TBCD: variants seen among roughly 807,000 people sequenced by gnomAD.
The protein encoded by TBCD is tubulin folding cofactor D, also known as tubulin-specific chaperone D.
A neutral mutation model predicts 169.3 loss-of-function variants in TBCD; 105 were observed. The ratio of observed to expected loss-of-function variants is 0.62; its 90% CI spans 0.53 to 0.73. TBCD has a LOEUF of 0.73. Among genes scored for constraint, TBCD ranks in the 30% least tolerant of loss-of-function variants. The pLI, the probability that TBCD is intolerant of heterozygous loss-of-function variation, is 0.00. For missense variants in TBCD, 1,444 were observed against 1,600.1 expected (o/e 0.90, Z 1.66); for synonymous variants, 700 against 643.9 (o/e 1.09, Z -1.32).
intron 3 of TBCD, among the ~76,000 whole-genome samples, chr17:82,765,639 G>T (rs1309958466): frequency 2.6e-5 from 4 of 152,220 alleles, no homozygotes; most frequent in Admixed American, 6.5e-5. Context: ...TCTGTTTGAG[G>T]TTAGGATTTC....
chr17:82,929,184 C>T lies in TBCD; in HGVS notation c.2765C>T (p.Ala922Val), dbSNP rs752832801. 7 of 1,613,892 alleles carry T rather than the reference C, an allele frequency of 4.3e-6. No homozygotes were observed. The Admixed American group carries it at 8.3e-5, about 19-fold the overall frequency. Residue 922 changes from alanine to valine, a missense_variant, in exon 31 of 39, where the codon GCC (alanine) becomes GTC (valine). Coordinates refer to ENST00000355528, the MANE Select transcript of TBCD (RefSeq NM_005993.5). ...ATTGACCGTTTCCGTGCTCACGCCG[C>T]CAGCGTGTTCCTGACGCTCCTGCAC... ...EKIDRFRAHA[A>V]SVFLTLLHFD...
rs1210768858 is a variant in TBCD at position 82,781,484 on chromosome 17, G to A, written c.639-105G>A. Reference sequence around the variant, plus strand: ...AGCTGGCATCTTGGTGTAAGGGTGCGTGAGGTGGGAGGGCCTGGGGAGGTG... The same window carrying A: ...AGCTGGCATCTTGGTGTAAGGGTGCATGAGGTGGGAGGGCCTGGGGAGGTG... On this transcript the variant is annotated intron_variant, in intron 6 of 38. Transcript: ENST00000355528. 2.2e-5 allele frequency: 32 copies of A among 1,442,008 alleles called. No homozygotes were observed. The East Asian group carries it at 3.3e-4, about 15-fold the overall frequency. 89.3% of individuals were successfully genotyped at this position (1,442,008 alleles called of 1,614,324 possible).
chr17:82,845,068 G>A lies in TBCD; in HGVS notation c.1319-25156G>A, dbSNP rs77789050. Among the ~76,000 whole-genome samples the A allele has an allele frequency of 7.3e-3, 1,117 of 152,248 alleles. 12 individuals are homozygous for A. Among genetic ancestry groups the A allele is most frequent in the African/African-American group, 0.026 (1,078 of 41,526 alleles). On this transcript the variant is annotated intron_variant, in intron 13 of 38. Transcript: ENST00000355528. ...CTCTTGGGGGTAAGCACCGGTGCCA[G>A]TGTGTGTTGGGGGGTGCCAGGGACC...
At chr17:82,858,858 T>C (rs2056529274) in intron 13 of TBCD, among the ~76,000 whole-genome samples, 1 of 152,282 alleles carries the variant, frequency 6.6e-6, no homozygotes, top group Admixed American at 6.5e-5. Flanking sequence ...GGCTACCCCG[T>C]GTAGACTTGC....
rs2053456520 is a variant in TBCD, at chr17:82,831,019, C to T, written c.1318+16085C>T. 1 of 1,613,996 alleles carries T rather than the reference C, an allele frequency of 6.2e-7. No homozygotes were observed. Among genetic ancestry groups the T allele is most frequent in the Non-Finnish European group, 8.5e-7 (1 of 1,180,048 alleles). ...GGTTTTGAAAATGACATTTTCTTACCTTACTGGAGACTCTGCTGTGGTCTC... is the reference window on the plus strand; with the variant it reads ...GGTTTTGAAAATGACATTTTCTTACTTTACTGGAGACTCTGCTGTGGTCTC... On this transcript the variant is annotated intron_variant, in intron 13 of 38. Coordinates refer to ENST00000355528, the MANE Select transcript of TBCD (RefSeq NM_005993.5). This position sits in a 1 kb window ranked among gnomAD's most constrained non-coding sequence, Gnocchi z 4.6.
intron 23 of TBCD, among the ~76,000 whole-genome samples, chr17:82,919,271 G>A (rs2061271385): frequency 6.6e-6 from 1 of 151,924 alleles, no homozygotes; most frequent in Non-Finnish European, 1.5e-5. Context: ...GGGGTTTTTT[G>A]TTTCTTTTTG....
chr17:82,834,605 A>T (rs188764921), intron 13 of TBCD, among the ~76,000 whole-genome samples: 71 of 152,212 alleles, frequency 4.7e-4, no homozygotes, highest in Admixed American at 9.2e-4. Context: ...ATCCTCAGCA[A>T]ACTAACGCAG....
Position 82,806,707 on chromosome 17 carries a change from C to T in TBCD, c.1087+696C>T, listed in dbSNP as rs2050990411. On this transcript the variant is annotated intron_variant, in intron 10 of 38. Coordinates refer to ENST00000355528, the MANE Select transcript of TBCD (RefSeq NM_005993.5). This position sits in a 1 kb window ranked among gnomAD's most constrained non-coding sequence, Gnocchi z 5.1. ...CTGCACTCTGCTCACATCCCCGCCG[C>T]TCCCTCCAGGGCAGGTTTCTCCCCA... Among the ~76,000 whole-genome samples the T allele has an allele frequency of 6.6e-6, 1 of 152,166 alleles. No individual in the cohort carries two copies. The highest frequency in any genetic ancestry group is 2.1e-4 in the South Asian group (1 of 4,834).
intron 13 of TBCD, among the ~76,000 whole-genome samples, chr17:82,850,199 T>G (rs1210599626): frequency 7.6e-6 from 1 of 131,356 alleles, no homozygotes; most frequent in African/African-American, 2.8e-5. Flanking sequence ...TGCTGTTGGC[T>G]GTGCTGTTGT....
At chr17:82,858,066 T>G (rs1421280076) in intron 13 of TBCD, among the ~76,000 whole-genome samples, 2 of 152,020 alleles carry the variant, frequency 1.3e-5, no homozygotes, top group Non-Finnish European at 2.9e-5. Context: ...GGGCACACCA[T>G]CATACCTGGC....
chr17:82,912,583 A>G (rs575220397), intron 23 of TBCD, among the ~76,000 whole-genome samples: 1 of 151,974 alleles, frequency 6.6e-6, no homozygotes, highest in South Asian at 2.1e-4. Flanking sequence ...TGTGAGTGTG[A>G]GTGTGGAGGC....
At chr17:82,882,721 C>T (rs557246182) in intron 14 of TBCD, among the ~76,000 whole-genome samples, 11 of 151,444 alleles carry the variant, frequency 7.3e-5, no homozygotes, top group African/African-American at 1.2e-4. Flanking sequence ...CAACAGACAG[C>T]GTGAGACACA....
At chr17:82,846,022 A>G (rs8079349) in intron 13 of TBCD, among the ~76,000 whole-genome samples, 148,006 of 152,330 alleles carry the variant, frequency 0.97, 71,941 homozygotes, top group East Asian at 1. Context: ...GCAACATTCT[A>G]TCCCCCGAGG....
chr17:82,838,975 C>T lies in TBCD; in HGVS notation c.1318+24041C>T. On this transcript the variant is annotated intron_variant, in intron 13 of 38. Transcript: ENST00000355528. ...ACTGTGCTTGGTCAGTAATTGTTCT[C>T]CTCCAAATCAAGTTTATGAGAAATT... 6 of 985,318 alleles carry T rather than the reference C, an allele frequency of 6.1e-6. No homozygotes were observed. The South Asian group carries it at 1.4e-4, about 23-fold the overall frequency. 61.0% of individuals were successfully genotyped at this position (985,318 alleles called of 1,614,324 possible). A position where few individuals can be genotyped will look rare whatever the true frequency, so the allele number is the denominator to read the frequency against.
At chr17:82,756,093 A>C in intron 1 of TBCD, 72 bp from the exon 2 acceptor site, 1 of 1,378,084 alleles carries the variant, frequency 7.3e-7, no homozygotes. Flanking sequence ...AGCAAGGGAA[A>C]ATGGGGTTTC....
At chr17:82,883,180 C>T (rs1196264768) in intron 14 of TBCD, among the ~76,000 whole-genome samples, 1 of 152,256 alleles carries the variant, frequency 6.6e-6, no homozygotes, top group African/African-American at 2.4e-5. Flanking sequence ...TGTCAACTTC[C>T]CTGGAACAAG....
At chr17:82,812,585 G>A (rs1006700828) in intron 12 of TBCD, among the ~76,000 whole-genome samples, 3 of 152,250 alleles carry the variant, frequency 2.0e-5, no homozygotes, top group Middle Eastern at 3.4e-3. Context: ...TCGCTCTGTC[G>A]CCAGGCTGGA....
chr17:82,784,340 G>A (rs763791788), intron 7 of TBCD, among the ~76,000 whole-genome samples: 1 of 152,158 alleles, frequency 6.6e-6, no homozygotes, highest in African/African-American at 2.4e-5. Context: ...CAGATGTGCT[G>A]TCTGTGTCCC....
At chr17:82,850,937 C>T (rs112173700) in intron 13 of TBCD, among the ~76,000 whole-genome samples, 1 of 152,350 alleles carries the variant, frequency 6.6e-6, no homozygotes, top group African/African-American at 2.4e-5. Context: ...ATGTATAAAA[C>T]GCACATTACA....
Sources: gnomAD v4.1 joint callset for allele counts (sites outside exome capture counted in the v4.1 genomes callset) on GRCh38, gnomAD v4.1.1 for gene constraint, Gnocchi (gnomAD v3.1) non-coding constraint, MANE v1.5 for transcripts, NCBI Gene and HGNC (gene_info 2026-07-23, HGNC 2026-07-21) for gene names.